CNTNAP3: variants seen among roughly 807,000 people sequenced by gnomAD.
The protein encoded by CNTNAP3 is contactin-associated protein-like 3.
CNTNAP3 carries 36 observed loss-of-function variants against 92.1 expected under a neutral mutation model. The ratio of observed to expected loss-of-function variants is 0.39; its 90% CI spans 0.30 to 0.52. CNTNAP3 has a LOEUF of 0.52. Among genes scored for constraint, CNTNAP3 ranks in the 20% least tolerant of loss-of-function variants. The pLI is 0.76. For missense variants in CNTNAP3, 534 were observed against 1,069.6 expected (o/e 0.50, Z 6.98); for synonymous variants, 232 against 422.3 (o/e 0.55, Z 5.53).
intron 14 of CNTNAP3, among the ~76,000 whole-genome samples, chr9:39,117,294 A>G (rs1820882060): frequency 6.6e-6 from 1 of 151,964 alleles, no homozygotes; most frequent in Admixed American, 6.6e-5. Flanking sequence ...GCCTGGCCTA[A>G]GTTTTTTTTT....
At chr9:39,082,189 T>C (rs1202626812) in intron 21 of CNTNAP3, among the ~76,000 whole-genome samples, 1 of 151,860 alleles carries the variant, frequency 6.6e-6, no homozygotes. Context: ...AAAAACTCAT[T>C]TATCTCAAGT....
intron 12 of CNTNAP3, among the ~76,000 whole-genome samples, chr9:39,137,715 C>A (rs180984809): frequency 0.012 from 1,887 of 151,978 alleles, 43 homozygotes; most frequent in South Asian, 0.086. Context: ...AGGGTTTCAC[C>A]GTGTTAGCCA....
At chr9:39,100,763 T>C (rs1472024109) in intron 17 of CNTNAP3, among the ~76,000 whole-genome samples, 1 of 151,680 alleles carries the variant, frequency 6.6e-6, no homozygotes, top group Non-Finnish European at 1.5e-5. Context: ...TGCATGCACA[T>C]TTTGTCATGT....
At chr9:39,074,808 G>C (rs1195319144) in intron 23 of CNTNAP3, among the ~76,000 whole-genome samples, 2 of 151,968 alleles carry the variant, frequency 1.3e-5, no homozygotes, top group Admixed American at 1.3e-4. Flanking sequence ...TTGCTCTGTC[G>C]CCCAGTCTGG....
chr9:39,093,503 G>C (rs1855005), intron 18 of CNTNAP3, among the ~76,000 whole-genome samples: 1 of 151,050 alleles, frequency 6.6e-6, no homozygotes, highest in Non-Finnish European at 1.5e-5. Context: ...AAATTAAACT[G>C]TATTCATTAA....
chr9:39,099,630 G>A lies in CNTNAP3; in HGVS notation c.2995+281C>T, dbSNP rs544595088. Among the ~76,000 whole-genome samples the A allele has an allele frequency of 7.9e-4, 121 of 152,280 alleles. No individual in the cohort carries two copies. The Middle Eastern group carries it at 0.02, about 26-fold the overall frequency. ...AAAATTAGAACAGTACAAGGACAGA[G>A]TTTTGAAAACCAAATTATTTCAAGA... On this transcript the variant is annotated intron_variant, in intron 18 of 23. Transcript: ENST00000297668.
intron 19 of CNTNAP3, among the ~76,000 whole-genome samples, chr9:39,087,528 C>T (rs1826089065): frequency 6.6e-6 from 1 of 151,872 alleles, no homozygotes; most frequent in African/African-American, 2.4e-5. Flanking sequence ...GCTCTGTCAC[C>T]CAGGCTGGAG....
At chr9:39,184,362 T>G (rs1032302122) in intron 4 of CNTNAP3, among the ~76,000 whole-genome samples, 1 of 146,076 alleles carries the variant, frequency 6.8e-6, no homozygotes, top group Non-Finnish European at 1.5e-5. Flanking sequence ...AGTATCATTT[T>G]CACATTTCCC....
intron 13 of CNTNAP3, among the ~76,000 whole-genome samples, chr9:39,121,500 T>G (rs1821017853): frequency 6.6e-6 from 1 of 152,142 alleles, no homozygotes; most frequent in Non-Finnish European, 1.5e-5. Flanking sequence ...ACAGTTCTTC[T>G]TACACAGTTA....
rs1351007127 is a variant in CNTNAP3, at chr9:39,068,309, G to T, written c.*5581C>A. On this transcript the variant is annotated 3_prime_UTR_variant, in exon 24 of 24. Transcript: ENST00000297668. ...CTTGTGCCTGTAGTCCCAGCTACTC[G>T]GGAGGCTGAGGCAGGAGAATGGCAT... is the stretch of plus-strand genomic sequence containing the variant. Among the ~76,000 whole-genome samples the T allele has an allele frequency of 1.3e-5, 2 of 152,376 alleles. No individual in the cohort carries two copies. The highest frequency in any genetic ancestry group is 2.4e-5 in the African/African-American group (1 of 41,592).
At chr9:39,087,686 C>A (rs925421217) in intron 19 of CNTNAP3, among the ~76,000 whole-genome samples, 2 of 152,164 alleles carry the variant, frequency 1.3e-5, no homozygotes, top group East Asian at 3.8e-4. Context: ...TGGGGTTTCA[C>A]TGTGTTAGCC....
intron 18 of CNTNAP3, among the ~76,000 whole-genome samples, chr9:39,098,708 G>C (rs1338567467): frequency 1.3e-5 from 2 of 152,090 alleles, no homozygotes; most frequent in Non-Finnish European, 2.9e-5. Flanking sequence ...AATGATAAAA[G>C]ACACATGCAA....
At chr9:39,154,943 C>T (rs974715806) in intron 9 of CNTNAP3, 1 of 169,776 alleles carries the variant, frequency 5.9e-6, no homozygotes, top group African/African-American at 2.7e-5. Flanking sequence ...ATTGAAGGAT[C>T]AGGTACAAAT....
intron 12 of CNTNAP3, 60 bp from the exon 13 acceptor site, chr9:39,133,195 C>CA: frequency 6.6e-7 from 1 of 1,505,562 alleles, no homozygotes; most frequent in Non-Finnish European, 8.9e-7. Context: ...CAGCAAGAGG[C>CA]AAAGCAGACC....
intron 16 of CNTNAP3, 29 bp downstream of exon 16, chr9:39,103,715 C>T (rs1312852151): frequency 2.5e-6 from 4 of 1,601,530 alleles, no homozygotes; most frequent in Admixed American, 3.4e-5. Flanking sequence ...AATGGGTACC[C>T]TGTGACTTGT....
chr9:39,152,526 A>G (rs1203394460), intron 9 of CNTNAP3, among the ~76,000 whole-genome samples: 1 of 147,182 alleles, frequency 6.8e-6, no homozygotes, highest in Admixed American at 6.7e-5. Context: ...TCATTAAGAA[A>G]TAAACACATT....
chr9:39,132,942 C>T lies in CNTNAP3; in HGVS notation c.2070G>A (p.Pro690=), dbSNP rs760583489. ...AGGAGTGGCGCTTACCTCGTGAGTC[C>T]GGGCGCCGCGCCGTCCCGCAGCGCA... ...LALRCGTARR[P]DSRDGTPLSW... The change falls in exon 13 of 24, where the codon CCG becomes CCA. Residue 690 remains proline, a synonymous_variant. Transcript: ENST00000297668. 104 of 1,545,042 alleles carry T rather than the reference C, an allele frequency of 6.7e-5. No homozygotes were observed. In the Middle Eastern group the frequency reaches 1.1e-3, roughly 17 times the overall value.
At chr9:39,122,177 AC>A (rs1821042297) in intron 13 of CNTNAP3, among the ~76,000 whole-genome samples, 1 of 151,790 alleles carries the variant, frequency 6.6e-6, no homozygotes, top group South Asian at 2.1e-4. Context: ...ACATGGTGAA[AC>A]CCCGTATCTA....
chr9:39,082,446 C>A (rs1195459407), intron 21 of CNTNAP3, among the ~76,000 whole-genome samples: 1 of 148,334 alleles, frequency 6.7e-6, no homozygotes, highest in Non-Finnish European at 1.5e-5. Flanking sequence ...TTGATATAAT[C>A]ATTGCTCTTT....
Sources: gnomAD v4.1 joint callset for allele counts (sites outside exome capture counted in the v4.1 genomes callset) on GRCh38, gnomAD v4.1.1 for gene constraint, MANE v1.5 for transcripts, NCBI Gene and HGNC (gene_info 2026-07-23, HGNC 2026-07-21) for gene names.